Variants in ERAP1 observed in about 807,000 individuals in gnomAD.
ERAP1 encodes the protein adipocyte-derived leucine aminopeptidase.
In ERAP1, 86 loss-of-function variants were observed where a neutral mutation model predicts 103.7. The observed-to-expected ratio is 0.83, with a 90% CI of 0.70 to 0.99. The LOEUF (loss-of-function observed/expected upper bound fraction) is 0.99, where lower values mean the gene tolerates loss of function less well. Among genes scored for constraint, ERAP1 ranks in the 50% least tolerant of loss-of-function variants. The pLI is 0.00. For missense variants in ERAP1, 1,009 were observed against 1,128.4 expected (o/e 0.89, Z 1.52); for synonymous variants, 398 against 402.4 (o/e 0.99, Z 0.13).
chr5:96,779,097 A>G (rs540658687), intron 18 of ERAP1, among the ~76,000 whole-genome samples: 1 of 151,624 alleles, frequency 6.6e-6, no homozygotes, highest in Admixed American at 6.6e-5. Context: ...TATCCCAATC[A>G]CTCTCCTTGC....
the ERAP1 span, among the ~76,000 whole-genome samples, chr5:96,819,741 TG>T: frequency 6.6e-6 from 1 of 152,220 alleles, no homozygotes. Context: ...AAATTAGGGA[TG>T]AATTTCCAGT....
the ERAP1 span, chr5:96,880,057 A>T: frequency 4.3e-6 from 7 of 1,614,164 alleles, no homozygotes; most frequent in Non-Finnish European, 5.9e-6. Context: ...CCCTTCAGTC[A>T]GAGGAAGATT....
the ERAP1 span, among the ~76,000 whole-genome samples, chr5:96,932,242 C>T: frequency 1.3e-5 from 2 of 152,204 alleles, no homozygotes; most frequent in African/African-American, 4.8e-5. Flanking sequence ...TCATGATGGT[C>T]AGCCTTGCCC....
the ERAP1 span, chr5:96,880,027 T>C: frequency 3.1e-6 from 5 of 1,614,160 alleles, 1 homozygote; most frequent in South Asian, 5.5e-5. Flanking sequence ...ACAGCAAAGA[T>C]CTTGAAATCA....
chr5:96,831,997 T>G, the ERAP1 span, among the ~76,000 whole-genome samples: 1 of 152,232 alleles, frequency 6.6e-6, no homozygotes, highest in Non-Finnish European at 1.5e-5. Flanking sequence ...TTTTTATTGT[T>G]TCTGAATAAT....
chr5:96,806,619 CCCT>C (rs1240194165), intron 1 of ERAP1, among the ~76,000 whole-genome samples: 1 of 135,998 alleles, frequency 7.4e-6, no homozygotes, highest in African/African-American at 2.7e-5. Context: ...TCACCAAGAT[CCCT>C]CTTTTTTTTT....
the ERAP1 span, among the ~76,000 whole-genome samples, chr5:96,820,966 AGAG>A: frequency 0.64 from 94,227 of 146,920 alleles, 30,090 homozygotes; most frequent in Non-Finnish European, 0.71. Flanking sequence ...AAGAGGAAGA[AGAG>A]GAAGAGAGAG....
the ERAP1 span, chr5:96,883,931 G>C: frequency 1.9e-6 from 3 of 1,579,064 alleles, no homozygotes; most frequent in African/African-American, 2.7e-5. Context: ...CATGCCAAAG[G>C]TATGTCCACT....
At position 96,775,487 on chromosome 5, in the gene ERAP1, TCTG is replaced by T. The variant is rs2150867539; in HGVS notation, c.*906_*908del. 4.1e-6 allele frequency: 4 copies of T among 985,288 alleles called. No homozygotes were observed. In the South Asian group the frequency reaches 1.9e-4, roughly 46 times the overall value. The allele number at this position is 985,288 out of a possible 1,614,324, so 61.0% of individuals were successfully genotyped here. A position where few individuals can be genotyped will look rare whatever the true frequency, so the allele number is the denominator to read the frequency against. On this transcript the variant is annotated 3_prime_UTR_variant, in exon 19 of 19. Coordinates refer to ENST00000443439, the MANE Select transcript of ERAP1 (RefSeq NM_001040458.3). ...GGTTTTCCTACAGACTTGAATGCAC[TCTG>T]CTTTTTCAGAAGAGATACTGTACCA...
At chr5:96,771,740 A>G (rs1193510708), downstream of ERAP1, 1 of 1,272,034 alleles carries the variant, frequency 7.9e-7, no homozygotes, top group Non-Finnish European at 1.1e-6. Flanking sequence ...AGACAACTGT[A>G]TCTTCTGCCA....
Position 96,786,475 on chromosome 5 carries a change from T to A in ERAP1, c.1754A>T (p.Lys585Ile), listed in dbSNP as rs748261592. ...TAGTTTCCAAAATAAATTACCTGTT[T>A]TTGTTTTTAGCAAAAATCGATGGAC... ...DMVHRFLLKT[K>I]TDVLILPEEV... The change falls in exon 12 of 19, where the codon AAA (lysine) becomes ATA (isoleucine). Residue 585 changes from lysine to isoleucine, a missense_variant. Physicochemically the swap from Lys to Ile is moderately radical, Grantham distance 102. This residue lies in a region of ERAP1 where 611 missense variants were observed against 651.7 expected (regional missense o/e 0.94). Transcript: ENST00000443439. The A allele has an allele frequency of 3.1e-6, 5 of 1,607,980 alleles. No individual in the cohort carries two copies. Among genetic ancestry groups the A allele is most frequent in the Non-Finnish European group, 4.3e-6 (5 of 1,175,014 alleles).
chr5:96,788,414 G>A (rs911989181), intron 11 of ERAP1, 117 bp downstream of exon 11: 6 of 1,240,940 alleles, frequency 4.8e-6, no homozygotes, highest in Admixed American at 3.6e-5. Context: ...AGGATACACA[G>A]ATGCAGCTGA....
At chr5:96,808,882 A>G (rs1209686953), upstream of ERAP1, among the ~76,000 whole-genome samples, 1 of 152,192 alleles carries the variant, frequency 6.6e-6, no homozygotes, top group Non-Finnish European at 1.5e-5. Context: ...TTTGCGCAAG[A>G]AAGAATTTGA....
In ERAP1 at chr5:96,792,192, C is replaced by T; in HGVS notation, c.1189G>A (p.Gly397Arg). 4 of 1,613,192 alleles carry T rather than the reference C, an allele frequency of 2.5e-6. No individual in the cohort carries two copies. Among genetic ancestry groups the T allele is most frequent in the Non-Finnish European group, 3.4e-6 (4 of 1,179,208 alleles). Residue 397 changes from glycine (G) to arginine (R), a missense_variant and splice_region_variant, in exon 8 of 19, where the codon GGA becomes AGA. By Grantham distance (125) the Gly-to-Arg change is moderately radical (BLOSUM62 -2). This residue lies in a region of ERAP1 where 6 missense variants were observed against 21.5 expected (regional missense o/e 0.28). Transcript: ENST00000443439. ...VSVTHPELKV[G>R]DYFFGKCFDA... ...AAACATTTGCCAAAGAAATAATCTC[C>T]CTATTGAGATAGAAAAAAGAAAACA... is the stretch of plus-strand genomic sequence containing the variant.
At chr5:96,890,636 C>T in the ERAP1 span, among the ~76,000 whole-genome samples, 3 of 152,034 alleles carry the variant, frequency 2.0e-5, no homozygotes, top group African/African-American at 7.2e-5. Context: ...TGTCCTTTTT[C>T]GCCTCTTGCC....
chr5:96,826,727 T>A, the ERAP1 span, among the ~76,000 whole-genome samples: 1 of 152,200 alleles, frequency 6.6e-6, no homozygotes, highest in Non-Finnish European at 1.5e-5. Flanking sequence ...CACTGGCCCC[T>A]TAAAACCATC....
intron 8 of ERAP1, among the ~76,000 whole-genome samples, chr5:96,791,517 GAAC>G (rs1334322361): frequency 6.6e-6 from 1 of 152,164 alleles, no homozygotes; most frequent in African/African-American, 2.4e-5. Flanking sequence ...TACAAAGAGA[GAAC>G]AACAACTTAG....
the ERAP1 span, chr5:96,886,860 A>C: frequency 1.8e-5 from 23 of 1,268,960 alleles, no homozygotes; most frequent in Non-Finnish European, 1.8e-5. Flanking sequence ...TTGTTTTCTC[A>C]TGTTTTTCAT....
the ERAP1 span, chr5:96,873,752 T>C: frequency 3.1e-6 from 1 of 319,736 alleles, no homozygotes; most frequent in Non-Finnish European, 6.2e-6. Flanking sequence ...TTGTTGAGGG[T>C]CTCTTATATG....
Sources: allele counts gnomAD v4.1 joint callset (sites outside exome capture counted in the v4.1 genomes callset), GRCh38; gene constraint gnomAD v4.1.1; regional missense constraint gnomAD v4.1.1; transcripts MANE v1.5; gene names NCBI Gene and HGNC (gene_info 2026-07-23, HGNC 2026-07-21).